KIT: variants seen among roughly 807,000 people sequenced by gnomAD.
KIT encodes the protein mast/stem cell growth factor receptor Kit.
Under a neutral mutation model 105.7 loss-of-function variants are expected in KIT, and 16 were observed. The ratio of observed to expected loss-of-function variants is 0.15; its 90% CI spans 0.10 to 0.23. The LOEUF is 0.23. Among genes scored for constraint, KIT ranks in the 10% least tolerant of loss-of-function variants. KIT has a pLI of 1.00. For missense variants in KIT, 858 were observed against 1,213.8 expected, an observed-to-expected ratio of 0.71 and a Z score of 4.36; for synonymous variants, 438 against 441.1, an observed-to-expected ratio of 0.99 and a Z score of 0.09.
chr4:54,687,105 A>G (rs752966999), intron 1 of KIT, among the ~76,000 whole-genome samples: 2 of 152,326 alleles, frequency 1.3e-5, no homozygotes, highest in Admixed American at 6.5e-5. Context: ...TTTACCTTCT[A>G]TATTACAATA....
intron 1 of KIT, among the ~76,000 whole-genome samples, chr4:54,687,710 A>G (rs1372990877): frequency 6.6e-6 from 1 of 151,940 alleles, no homozygotes; most frequent in Non-Finnish European, 1.5e-5. Context: ...ACACCCCTTC[A>G]TGCTTTGAGA....
chr4:54,687,857 G>A (rs73234236), intron 1 of KIT, among the ~76,000 whole-genome samples: 10,460 of 152,166 alleles, frequency 0.069, 472 homozygotes, highest in Non-Finnish European at 0.1. Flanking sequence ...CCTGTAGCAC[G>A]TGTGTCACCT....
Position 54,703,846 on chromosome 4 carries a change from T to A in KIT, c.879T>A (p.Asn293Lys), listed in dbSNP as rs1271071514. The A allele has an allele frequency of 1.2e-6, 2 of 1,613,956 alleles. No individual in the cohort carries two copies. Among genetic ancestry groups the A allele is most frequent in the Non-Finnish European group, 1.7e-6 (2 of 1,179,834 alleles). Residue 293 changes from asparagine (N) to lysine (K), a missense_variant, in exon 5 of 21, where the codon AAT becomes AAA. Asn to Lys is a moderately conservative substitution (Grantham distance 94, BLOSUM62 0). Coordinates refer to ENST00000288135, the MANE Select transcript of KIT (RefSeq NM_000222.3). Reference sequence around the variant, plus strand: ...CTGGAGTGTTCATGTGTTATGCCAATAATACTTTTGGATCAGCAAATGTCA... The same window carrying A: ...CTGGAGTGTTCATGTGTTATGCCAAAAATACTTTTGGATCAGCAAATGTCA... ...NDSGVFMCYA[N>K]NTFGSANVTT...
chr4:54,673,307 T>G (rs1718244632), intron 1 of KIT, among the ~76,000 whole-genome samples: 1 of 152,346 alleles, frequency 6.6e-6, no homozygotes, highest in Admixed American at 6.5e-5. Flanking sequence ...ATTCTGTATC[T>G]GCCACTTTCT....
intron 5 of KIT, among the ~76,000 whole-genome samples, chr4:54,704,518 T>C (rs1442555320): frequency 6.6e-6 from 1 of 152,118 alleles, no homozygotes; most frequent in Non-Finnish European, 1.5e-5. Flanking sequence ...CCCCATCATA[T>C]CTGGTATGCA....
At chr4:54,720,295 G>A (rs749899937) in intron 7 of KIT, among the ~76,000 whole-genome samples, 3 of 152,136 alleles carry the variant, frequency 2.0e-5, no homozygotes, top group African/African-American at 7.2e-5. Flanking sequence ...CAGGACAAAA[G>A]CTGCTCAATT....
intron 1 of KIT, among the ~76,000 whole-genome samples, chr4:54,680,766 T>G (rs185835736): frequency 2.0e-5 from 3 of 152,260 alleles, no homozygotes; most frequent in Admixed American, 1.3e-4. Context: ...AGCTTGAGTT[T>G]CCTGATAGGA....
chr4:54,669,470 C>A (rs1049278727), intron 1 of KIT, among the ~76,000 whole-genome samples: 1 of 152,186 alleles, frequency 6.6e-6, no homozygotes, highest in African/African-American at 2.4e-5. Context: ...CCAGCTCTGG[C>A]GGTACAGCAG....
intron 1 of KIT, among the ~76,000 whole-genome samples, chr4:54,692,285 A>G (rs769354387): frequency 1.2e-4 from 19 of 152,208 alleles, no homozygotes; most frequent in Non-Finnish European, 2.6e-4. Flanking sequence ...ATTAAAAACT[A>G]TCCAGTCCTG....
At chr4:54,710,414 T>C (rs1318830533) in intron 7 of KIT, among the ~76,000 whole-genome samples, 1 of 152,170 alleles carries the variant, frequency 6.6e-6, no homozygotes, top group East Asian at 1.9e-4. Context: ...CTGGAATATT[T>C]CATAGAAAAG....
intron 20 of KIT, 62 bp downstream of exon 20, chr4:54,737,342 C>T: frequency 8.9e-7 from 1 of 1,120,986 alleles, no homozygotes; most frequent in Non-Finnish European, 1.4e-6. Context: ...TGTCCTCCTC[C>T]TCAGGCTTTC....
At chr4:54,664,570 G>C (rs947147434) in intron 1 of KIT, among the ~76,000 whole-genome samples, 1 of 149,296 alleles carries the variant, frequency 6.7e-6, no homozygotes, top group African/African-American at 2.5e-5. Context: ...GACTAAGGGA[G>C]AGTCTGTTTT....
chr4:54,672,575 A>G (rs958512168), intron 1 of KIT, among the ~76,000 whole-genome samples: 1 of 152,124 alleles, frequency 6.6e-6, no homozygotes, highest in African/African-American at 2.4e-5. Flanking sequence ...GGGGATTGGA[A>G]GTAATATTCT....
chr4:54,667,475 C>G (rs974000276), intron 1 of KIT, among the ~76,000 whole-genome samples: 2 of 151,988 alleles, frequency 1.3e-5, no homozygotes, highest in Non-Finnish European at 2.9e-5. Flanking sequence ...CTATTCATTA[C>G]CATTGGTTTG....
chr4:54,659,360 C>T (rs1436832353), intron 1 of KIT, among the ~76,000 whole-genome samples: 1 of 152,154 alleles, frequency 6.6e-6, no homozygotes, highest in African/African-American at 2.4e-5. Flanking sequence ...TCGCCCAGCT[C>T]ACCCCTGAAG....
Position 54,728,126 on chromosome 4 carries a change from A to G in KIT, c.1990+5A>G. 6.3e-7 allele frequency: 1 copy of G among 1,592,574 alleles called. No homozygotes were observed. The highest frequency in any genetic ancestry group is 1.7e-4 in the Middle Eastern group (1 of 6,020). On this transcript the variant is annotated splice_donor_5th_base_variant and intron_variant, in intron 13 of 20. Coordinates refer to ENST00000288135, the MANE Select transcript of KIT (RefSeq NM_000222.3). ...TTGGAGCCTGCACCATTGGAGGTAA[A>G]GCCGTGTCCAAGCTGCCTTTTATTG...
intron 1 of KIT, among the ~76,000 whole-genome samples, chr4:54,688,043 A>G (rs76478650): frequency 6.6e-6 from 1 of 152,122 alleles, no homozygotes; most frequent in Admixed American, 6.5e-5. Flanking sequence ...TCTCTGTTGC[A>G]TGGCTTCCTT....
intron 7 of KIT, among the ~76,000 whole-genome samples, chr4:54,722,812 T>C (rs1721958365): frequency 2.4e-5 from 1 of 41,234 alleles, no homozygotes; most frequent in Non-Finnish European, 5.1e-5. Flanking sequence ...TTTATATATA[T>C]ATTTATATAT....
chr4:54,707,341 G>T, intron 6 of KIT, 54 bp downstream of exon 6: 1 of 1,249,812 alleles, frequency 8.0e-7, no homozygotes. Context: ...TTTCCAGTGG[G>T]CTTATCAGAT....
Sources: gnomAD v4.1 joint callset for allele counts (sites outside exome capture counted in the v4.1 genomes callset) on GRCh38, gnomAD v4.1.1 for gene constraint, MANE v1.5 for transcripts, NCBI Gene and HGNC (gene_info 2026-07-23, HGNC 2026-07-21) for gene names.